MAP2: variants seen among roughly 807,000 people sequenced by gnomAD.
MAP2 encodes microtubule-associated protein 2.
Under a neutral mutation model 137.6 loss-of-function variants are expected in MAP2, and 14 were observed. The observed-to-expected ratio is 0.10, with a 90% confidence interval of 0.07 to 0.16. The LOEUF is 0.16. MAP2 is among the 10% of genes least tolerant of loss of function. The pLI, the probability that MAP2 is intolerant of heterozygous loss-of-function variation, is 1.00. For synonymous variants in MAP2, 786 were observed against 782.3 expected (o/e 1.00, Z -0.08); for missense variants, 2,088 against 2,191.5 (o/e 0.95, Z 0.94).
At chr2:209,628,673 G>A (rs2092669055) in intron 4 of MAP2, among the ~76,000 whole-genome samples, 1 of 152,108 alleles carries the variant, frequency 6.6e-6, no homozygotes, top group South Asian at 2.1e-4. Flanking sequence ...GCCTGTAATA[G>A]TCAAAAATAA....
intron 2 of MAP2, among the ~76,000 whole-genome samples, chr2:209,528,015 G>A (rs546129511): frequency 6.6e-6 from 1 of 152,218 alleles, no homozygotes; most frequent in East Asian, 1.9e-4. Context: ...TAATGCAGGG[G>A]CTTAACATTT....
chr2:209,595,749 T>C (rs975444638), intron 3 of MAP2, among the ~76,000 whole-genome samples: 7 of 152,174 alleles, frequency 4.6e-5, no homozygotes, highest in African/African-American at 1.4e-4. Context: ...ATGTGGCATA[T>C]ATATACCATG....
intron 1 of MAP2, among the ~76,000 whole-genome samples, chr2:209,488,008 A>G (rs972816400): frequency 1.3e-5 from 2 of 152,238 alleles, no homozygotes; most frequent in East Asian, 1.9e-4. Flanking sequence ...CAAGACGGCC[A>G]AACAGGAACA....
At chr2:209,438,299 A>G (rs552834951) in intron 1 of MAP2, among the ~76,000 whole-genome samples, 33 of 151,708 alleles carry the variant, frequency 2.2e-4, no homozygotes, top group African/African-American at 7.7e-4. Flanking sequence ...TGAGAATATT[A>G]TTTTCATTAT....
At chr2:209,654,365 G>C (rs1459273101) in intron 5 of MAP2, among the ~76,000 whole-genome samples, 1 of 152,208 alleles carries the variant, frequency 6.6e-6, no homozygotes, top group African/African-American at 2.4e-5. Flanking sequence ...GAGAGTGATA[G>C]TGTCCAACCT....
intron 12 of MAP2, 147 bp downstream of exon 12, chr2:209,705,874 T>G: frequency 1.5e-6 from 1 of 679,016 alleles, no homozygotes; most frequent in Non-Finnish European, 2.3e-6. Flanking sequence ...AAATCCAGAA[T>G]GTAGATGGCT....
chr2:209,593,503 C>T (rs1056042444), intron 3 of MAP2, among the ~76,000 whole-genome samples: 8 of 144,976 alleles, frequency 5.5e-5, no homozygotes, highest in Non-Finnish European at 1.2e-4. Context: ...CAGGTATCAG[C>T]AGCGTGTGGT....
chr2:209,572,904 A>G (rs1417896630), intron 2 of MAP2, among the ~76,000 whole-genome samples: 1 of 152,172 alleles, frequency 6.6e-6, no homozygotes, highest in Non-Finnish European at 1.5e-5. Flanking sequence ...ACTCCTGACC[A>G]GTTGTTCTTT....
At position 209,695,593 on chromosome 2, in the gene MAP2, C is replaced by T. The variant is rs2059976256; in HGVS notation, c.3423C>T (p.Thr1141=). Residue 1141 remains threonine (T), a synonymous_variant, in exon 8 of 16, where the codon ACC becomes ACT. Coordinates refer to ENST00000682079, the MANE Select transcript of MAP2 (RefSeq NM_001375505.1). ...CTAGTGGTGAGCATGAAAGTCTCACCATGGAGTCCTTGAAAGCTGATGAGG... is the reference window on the plus strand; with the variant it reads ...CTAGTGGTGAGCATGAAAGTCTCACTATGGAGTCCTTGAAAGCTGATGAGG... The part of the protein sequence containing the change: ...YESSGEHESL[T]MESLKADEGK... 6.2e-7 allele frequency: 1 copy of T among 1,613,752 alleles called. No individual in the cohort carries two copies. The highest frequency in any genetic ancestry group is 1.3e-5 in the African/African-American group (1 of 74,864).
intron 1 of MAP2, among the ~76,000 whole-genome samples, chr2:209,443,763 T>C (rs2149416304): frequency 6.6e-6 from 1 of 151,668 alleles, no homozygotes; most frequent in African/African-American, 2.4e-5. Flanking sequence ...TGAGTAAATA[T>C]TCAGTGAATT....
intron 2 of MAP2, among the ~76,000 whole-genome samples, chr2:209,517,674 T>C (rs1431084541): frequency 6.6e-6 from 1 of 152,008 alleles, no homozygotes; most frequent in Non-Finnish European, 1.5e-5. Flanking sequence ...CCCACATAGA[T>C]ATTCAAACAA....
chr2:209,507,036 A>T (rs1253897480), intron 1 of MAP2, among the ~76,000 whole-genome samples: 1 of 152,010 alleles, frequency 6.6e-6, no homozygotes, highest in African/African-American at 2.4e-5. Context: ...GCTCTCTGTG[A>T]TCTCTTGTAT....
intron 2 of MAP2, among the ~76,000 whole-genome samples, chr2:209,509,851 A>T (rs2061516773): frequency 6.6e-6 from 1 of 151,874 alleles, no homozygotes; most frequent in African/African-American, 2.4e-5. Context: ...CAATTCTGTG[A>T]TGCATGTAAT....
At chr2:209,548,907 G>A (rs2068614706) in intron 2 of MAP2, among the ~76,000 whole-genome samples, 1 of 152,148 alleles carries the variant, frequency 6.6e-6, no homozygotes. Context: ...AGAACTGTGA[G>A]TCAATTAAAC....
At chr2:209,562,634 T>C (rs1578314961) in intron 2 of MAP2, among the ~76,000 whole-genome samples, 1 of 151,314 alleles carries the variant, frequency 6.6e-6, no homozygotes, top group African/African-American at 2.4e-5. Flanking sequence ...AAGGCGGAGG[T>C]TGCAGTGAGC....
At chr2:209,697,201 A>G in intron 10 of MAP2, 150 bp downstream of exon 10, 1 of 702,792 alleles carries the variant, frequency 1.4e-6, no homozygotes, top group Non-Finnish European at 2.2e-6. Context: ...TTGTATCATT[A>G]TTCTTTTTTC....
At chr2:209,583,134 C>T (rs375938601) in intron 3 of MAP2, among the ~76,000 whole-genome samples, 1,354 of 95,414 alleles carry the variant, frequency 0.014, 21 homozygotes, top group African/African-American at 0.064. Context: ...TCTATCTATC[C>T]ATCTGTCTGT....
intron 3 of MAP2, among the ~76,000 whole-genome samples, chr2:209,618,529 T>G (rs2090212960): frequency 6.6e-6 from 1 of 152,176 alleles, no homozygotes; most frequent in African/African-American, 2.4e-5. Context: ...CTCTCCAATT[T>G]TTTTCTCCTA....
intron 2 of MAP2, among the ~76,000 whole-genome samples, chr2:209,566,737 C>A (rs2153364185): frequency 6.6e-6 from 1 of 152,176 alleles, no homozygotes; most frequent in Non-Finnish European, 1.5e-5. Flanking sequence ...TGTTGTTCTT[C>A]TTCAGCTTTT....
Sources: gnomAD v4.1 joint callset for allele counts (sites outside exome capture counted in the v4.1 genomes callset) on GRCh38, gnomAD v4.1.1 for gene constraint, MANE v1.5 for transcripts, NCBI Gene and HGNC (gene_info 2026-07-23, HGNC 2026-07-21) for gene names.